The following CMSS1 variants were observed in gnomAD, a reference collection of about 807,000 sequenced individuals.
CMSS1 encodes the protein cms1 ribosomal small subunit homolog, also known as protein CMSS1.
CMSS1 carries 33 observed loss-of-function variants against 43.5 expected under a neutral mutation model. That is an observed-to-expected ratio of 0.76 (90% CI 0.57 to 1.01). CMSS1 has a LOEUF of 1.01. CMSS1 is among the 50% of genes least tolerant of loss of function. The pLI, the probability that CMSS1 is intolerant of heterozygous loss-of-function variation, is 0.00. For synonymous variants in CMSS1, 115 were observed against 117.2 expected (o/e 0.98, Z 0.12); for missense variants, 313 against 326.4 (o/e 0.96, Z 0.32).
chr3:99,967,888 AAGG>A (rs1708699792), intron 1 of CMSS1, among the ~76,000 whole-genome samples: 1 of 152,222 alleles, frequency 6.6e-6, no homozygotes, highest in South Asian at 2.1e-4. Flanking sequence ...TGGTATTAGC[AAGG>A]AGAAGGAGTA....
At chr3:99,916,715 A>G (rs1706965962) in intron 1 of CMSS1, among the ~76,000 whole-genome samples, 1 of 152,170 alleles carries the variant, frequency 6.6e-6, no homozygotes, top group South Asian at 2.1e-4. Context: ...GGATGGGACC[A>G]TGCTTCATGG....
At chr3:100,021,946 T>A (rs1040357968) in intron 1 of CMSS1, among the ~76,000 whole-genome samples, 2 of 129,406 alleles carry the variant, frequency 1.5e-5, no homozygotes, top group African/African-American at 5.7e-5. Context: ...TGTGTGTGTG[T>A]GTGTGTGTGT....
At chr3:99,902,629 A>G (rs1276998564) in intron 1 of CMSS1, among the ~76,000 whole-genome samples, 2 of 152,240 alleles carry the variant, frequency 1.3e-5, no homozygotes, top group African/African-American at 4.8e-5. Flanking sequence ...TTACCAGTAG[A>G]CACTGGACAA....
At chr3:99,946,825 A>G (rs1462581282) in intron 1 of CMSS1, among the ~76,000 whole-genome samples, 2 of 152,156 alleles carry the variant, frequency 1.3e-5, no homozygotes, top group African/African-American at 2.4e-5. Flanking sequence ...TGCTGGCTCT[A>G]TACTACAAAG....
intron 1 of CMSS1, chr3:100,115,069 G>A (rs1278227618): frequency 4.7e-6 from 5 of 1,071,850 alleles, no homozygotes; most frequent in African/African-American, 1.6e-5. Flanking sequence ...TCATACTTAG[G>A]ATTGCTAAAA....
At position 100,176,418 on chromosome 3, in the gene CMSS1, A is replaced by G. The variant is rs2067148837; in HGVS notation, c.756+3A>G. The stretch of plus-strand genomic sequence containing the variant: ...GGAGAATGATGGACATTCCCGAGGT[A>G]CCACGTAACCAGCAGTTGCCTTTAA... On this transcript the variant is annotated splice_donor_region_variant and intron_variant, in intron 9 of 9. Transcript: ENST00000421999. The G allele has an allele frequency of 6.3e-7, 1 of 1,597,846 alleles. No homozygotes were observed. The highest frequency in any genetic ancestry group is 1.1e-5 in the South Asian group (1 of 90,548).
intron 1 of CMSS1, among the ~76,000 whole-genome samples, chr3:100,105,503 G>A (rs2066379847): frequency 6.6e-6 from 1 of 152,126 alleles, no homozygotes; most frequent in African/African-American, 2.4e-5. Context: ...GGGACTTCCA[G>A]GAAGGTTCAG....
intron 1 of CMSS1, among the ~76,000 whole-genome samples, chr3:100,124,384 C>T (rs2066646359): frequency 6.6e-6 from 1 of 152,214 alleles, no homozygotes; most frequent in South Asian, 2.1e-4. Context: ...GACCATTCAA[C>T]TGCACACTTC....
Position 99,992,012 on chromosome 3 carries a change from GTA to G in CMSS1, c.65-154948_65-154947del, listed in dbSNP as rs550439833. On this transcript the variant is annotated intron_variant, in intron 1 of 9. Coordinates refer to ENST00000421999, the MANE Select transcript of CMSS1 (RefSeq NM_032359.4). ...TATATACGTATATATATGTGTGTGTGTATATATATATATACGTGTATATATAT... is the reference window on the plus strand; with the variant it reads ...TATATACGTATATATATGTGTGTGTGTATATATATATACGTGTATATATAT... Among the ~76,000 whole-genome samples, 119 of 145,494 alleles carry G rather than the reference GTA, an allele frequency of 8.2e-4. 1 individual carries two copies. The highest frequency in any genetic ancestry group is 1.7e-3 in the Admixed American group (25 of 14,544).
chr3:99,915,440 G>T (rs1006561730), intron 1 of CMSS1, among the ~76,000 whole-genome samples: 1 of 152,146 alleles, frequency 6.6e-6, no homozygotes, highest in African/African-American at 2.4e-5. Flanking sequence ...TGCAATTAGT[G>T]TGAGGATTTT....
At chr3:99,852,685 C>G (rs953862922) in intron 1 of CMSS1, among the ~76,000 whole-genome samples, 3 of 152,072 alleles carry the variant, frequency 2.0e-5, no homozygotes, top group African/African-American at 7.2e-5. Flanking sequence ...ACCTTGTGAT[C>G]CACCTGCCTC....
intron 1 of CMSS1, among the ~76,000 whole-genome samples, chr3:100,076,985 T>A (rs569299229): frequency 2.9e-4 from 44 of 152,196 alleles, no homozygotes; most frequent in Non-Finnish European, 5.4e-4. Context: ...CTGTTCCACA[T>A]AAGAAATCAA....
At chr3:99,883,894 C>G (rs565714346) in intron 1 of CMSS1, among the ~76,000 whole-genome samples, 1 of 152,116 alleles carries the variant, frequency 6.6e-6, no homozygotes. Context: ...AATGATGGCA[C>G]CAGAGTTTGA....
At chr3:100,164,165 G>A (rs1253510856) in intron 4 of CMSS1, among the ~76,000 whole-genome samples, 3 of 152,280 alleles carry the variant, frequency 2.0e-5, no homozygotes, top group South Asian at 4.1e-4. Context: ...AGCACACCAC[G>A]GCCTCTGCTG....
intron 1 of CMSS1, chr3:99,929,733 G>A (rs903007093): frequency 6.3e-6 from 4 of 633,538 alleles, no homozygotes; most frequent in Non-Finnish European, 1.0e-5. Flanking sequence ...TCTGTTTTGT[G>A]TAGGCTTTAA....
chr3:100,036,332 A>G (rs1342967596), intron 1 of CMSS1, among the ~76,000 whole-genome samples: 1 of 152,226 alleles, frequency 6.6e-6, no homozygotes, highest in Admixed American at 6.5e-5. Context: ...ATGAGCCTGG[A>G]ACATCTTTTC....
chr3:99,985,010 A>G (rs1026688581), intron 1 of CMSS1, among the ~76,000 whole-genome samples: 2 of 152,184 alleles, frequency 1.3e-5, no homozygotes, highest in African/African-American at 4.8e-5. Flanking sequence ...ATAAATACTT[A>G]AAGGGGTTGC....
intron 1 of CMSS1, among the ~76,000 whole-genome samples, chr3:99,913,415 T>C (rs13096116): frequency 0.067 from 10,149 of 152,310 alleles, 401 homozygotes; most frequent in Middle Eastern, 0.085. Context: ...GGTATCTCTC[T>C]GTTACCAGTG....
intron 1 of CMSS1, among the ~76,000 whole-genome samples, chr3:100,076,380 G>A (rs180958261): frequency 2.0e-5 from 3 of 152,326 alleles, no homozygotes; most frequent in East Asian, 3.9e-4. Flanking sequence ...TAACTGAGCT[G>A]TTTTTACTCA....
Sources: gnomAD v4.1 joint callset for allele counts (sites outside exome capture counted in the v4.1 genomes callset) on GRCh38, gnomAD v4.1.1 for gene constraint, MANE v1.5 for transcripts, NCBI Gene and HGNC (gene_info 2026-07-23, HGNC 2026-07-21) for gene names.